Variants in CLUL1 observed in about 807,000 individuals in gnomAD.
CLUL1 encodes clusterin like 1, also known as clusterin-like protein 1.
Under a neutral mutation model 49.4 loss-of-function variants are expected in CLUL1, and 43 were observed. That is an observed-to-expected ratio of 0.87 (90% CI 0.68 to 1.12). The LOEUF is 1.12. Ranked by LOEUF, CLUL1 falls within the 50% of genes most tolerant of loss-of-function variation. The probability of loss-of-function intolerance (pLI) is 0.00; values close to 1 mark genes in which losing one functional copy is unlikely to be tolerated. For missense variants in CLUL1, 486 were observed against 544.4 expected (o/e 0.89, Z 1.07); for synonymous variants, 192 against 184.9 (o/e 1.04, Z -0.31).
chr18:631,288 G>A (rs2073987955), intron 6 of CLUL1, among the ~76,000 whole-genome samples: 2 of 152,174 alleles, frequency 1.3e-5, no homozygotes, highest in South Asian at 4.1e-4. Context: ...GTCCAGGAAA[G>A]TAGCTCTTGG....
chr18:634,177 C>G (rs2074073933), intron 7 of CLUL1, among the ~76,000 whole-genome samples: 1 of 152,120 alleles, frequency 6.6e-6, no homozygotes, highest in African/African-American at 2.4e-5. Flanking sequence ...CTCTGTTGCC[C>G]AGGCTGGAGT....
chr18:631,376 G>A (rs1044921061), intron 6 of CLUL1, among the ~76,000 whole-genome samples: 6 of 152,102 alleles, frequency 3.9e-5, no homozygotes, highest in Admixed American at 6.5e-5. Context: ...CCCGTGCGGG[G>A]GCCGGGAGAC....
At chr18:617,849 G>T in intron 2 of CLUL1, 139 bp from the exon 3 acceptor site, 1 of 652,592 alleles carries the variant, frequency 1.5e-6, no homozygotes, top group South Asian at 2.0e-5. Context: ...TATGTCTCAG[G>T]CACATTAGCA....
intron 2 of CLUL1, among the ~76,000 whole-genome samples, chr18:610,223 G>C (rs907282079): frequency 3.3e-5 from 5 of 151,816 alleles, no homozygotes; most frequent in African/African-American, 1.2e-4. Flanking sequence ...GATTTTGCTT[G>C]TTTAGTCTAC....
intron 2 of CLUL1, among the ~76,000 whole-genome samples, chr18:615,033 T>C (rs959325494): frequency 6.6e-6 from 1 of 152,210 alleles, no homozygotes; most frequent in African/African-American, 2.4e-5. Context: ...TCCTCTATTT[T>C]CCAGTTGATG....
chr18:613,202 A>G (rs8086356), intron 2 of CLUL1: 113,224 of 471,106 alleles, frequency 0.24, 14,137 homozygotes, highest in Middle Eastern at 0.34. Flanking sequence ...GCACTGCTGC[A>G]ATCTCAGCTC....
Position 603,211 on chromosome 18 carries a change from C to A in CLUL1, c.-135-3767C>A, listed in dbSNP as rs117266096. ...TGTTAGAAATGCAGAATCCCAAGTC[C>A]CCGAGACAAACTGAATCAGAACCTG... is the stretch of plus-strand genomic sequence containing the variant. On this transcript the variant is annotated intron_variant, in intron 1 of 9. Coordinates refer to ENST00000692774, the MANE Select transcript of CLUL1 (RefSeq NM_001393344.1). Among the ~76,000 whole-genome samples, 48 of 152,172 alleles carry A rather than the reference C, an allele frequency of 3.2e-4. No individual in the cohort carries two copies. In the East Asian group the frequency reaches 9.1e-3, roughly 29 times the overall value.
Position 618,230 on chromosome 18 carries a change from G to T in CLUL1, c.106+124G>T. ...GTTTTCACGGTGAAACGTTCTCAAGGCGCTTAAACCAGGTCATCCTGACGC... is the reference window on the plus strand; with the variant it reads ...GTTTTCACGGTGAAACGTTCTCAAGTCGCTTAAACCAGGTCATCCTGACGC... On this transcript the variant is annotated intron_variant, in intron 3 of 9. Transcript: ENST00000692774. The surrounding 1 kb of genome is among the most constrained non-coding windows in gnomAD (Gnocchi z 4.2). 1.4e-6 allele frequency: 1 copy of T among 719,872 alleles called. No homozygotes were observed. Among genetic ancestry groups the T allele is most frequent in the East Asian group, 2.7e-5 (1 of 36,482 alleles). The allele number at this position is 719,872 out of a possible 1,614,324, so 44.6% of individuals were successfully genotyped here.
chr18:644,947 A>G lies in CLUL1; in HGVS notation c.1247A>G (p.Gln416Arg). ...PRIHEGNISKQDETMMTDLSI... is the reference protein window; with the variant it reads ...PRIHEGNISKRDETMMTDLSI... The stretch of plus-strand genomic sequence containing the variant: ...ATTCATGAAGGAAATATTTCCAAAC[A>G]AGATGAAACAATGATGACAGACTTA... Residue 416 changes from glutamine (Q) to arginine (R), a missense_variant, in exon 9 of 10, where the codon CAA (glutamine) becomes CGA (arginine). Physicochemically the swap from Gln to Arg is conservative, Grantham distance 43. Transcript: ENST00000692774. 6.2e-7 allele frequency: 1 copy of G among 1,613,316 alleles called. No individual in the cohort carries two copies. Among genetic ancestry groups the G allele is most frequent in the South Asian group, 1.1e-5 (1 of 90,816 alleles).
intron 2 of CLUL1, among the ~76,000 whole-genome samples, chr18:616,518 T>G (rs549518739): frequency 3.7e-4 from 57 of 152,348 alleles, no homozygotes; most frequent in Non-Finnish European, 4.0e-4. Context: ...TATAGGAAGG[T>G]AGCCCAAGGT....
chr18:645,810 A>AAAAAAAATAT (rs1451607900), intron 9 of CLUL1, among the ~76,000 whole-genome samples: 7 of 29,872 alleles, frequency 2.3e-4, no homozygotes, highest in East Asian at 8.6e-4. Context: ...AAAAAAAAAA[A>AAAAAAAATAT]ATATATATAT....
intron 6 of CLUL1, among the ~76,000 whole-genome samples, chr18:629,174 A>G (rs1380322882): frequency 6.6e-6 from 1 of 152,116 alleles, no homozygotes; most frequent in Non-Finnish European, 1.5e-5. Context: ...GTTGGGTTCT[A>G]TTTCAGAGTC....
intron 1 of CLUL1, chr18:598,189 T>G: frequency 5.4e-6 from 1 of 185,064 alleles, no homozygotes; most frequent in Non-Finnish European, 1.1e-5. Context: ...CGGGAAGAGA[T>G]GAGATACTGT....
chr18:598,669 C>G, intron 1 of CLUL1: 1 of 397,844 alleles, frequency 2.5e-6, no homozygotes, highest in Middle Eastern at 6.3e-4. Context: ...TTTTCTACAG[C>G]TGGTCCAGAT....
At chr18:617,957 C>T (rs372467847) in intron 2 of CLUL1, 31 bp from the exon 3 acceptor site, 6 of 1,572,442 alleles carry the variant, frequency 3.8e-6, no homozygotes, top group African/African-American at 1.3e-5. Flanking sequence ...AAATGGAAGA[C>T]ATTTGATGCG....
At chr18:621,244 A>G (rs896891223) in intron 4 of CLUL1, among the ~76,000 whole-genome samples, 2 of 152,174 alleles carry the variant, frequency 1.3e-5, no homozygotes, top group East Asian at 3.9e-4. Context: ...CCCTCTATCT[A>G]TAAAGTTGGG....
At chr18:629,611 A>T (rs1400889198) in intron 6 of CLUL1, among the ~76,000 whole-genome samples, 1 of 152,036 alleles carries the variant, frequency 6.6e-6, no homozygotes, top group Non-Finnish European at 1.5e-5. Context: ...GCTGCCTCAC[A>T]CGCACCCTCC....
intron 2 of CLUL1, among the ~76,000 whole-genome samples, chr18:611,024 C>A (rs550002156): frequency 6.6e-6 from 1 of 152,154 alleles, no homozygotes; most frequent in Non-Finnish European, 1.5e-5. Flanking sequence ...GCTGCTCCTC[C>A]CAGATCACCT....
intron 4 of CLUL1, among the ~76,000 whole-genome samples, chr18:621,278 C>T (rs1434466607): frequency 1.3e-5 from 2 of 152,140 alleles, no homozygotes; most frequent in Non-Finnish European, 2.9e-5. Context: ...CAGATTGCTG[C>T]TTACATCTTT....
Sources: allele counts gnomAD v4.1 joint callset (sites outside exome capture counted in the v4.1 genomes callset), GRCh38; gene constraint gnomAD v4.1.1; non-coding constraint Gnocchi (gnomAD v3.1); transcripts MANE v1.5; gene names NCBI Gene and HGNC (gene_info 2026-07-23, HGNC 2026-07-21).